KSR1: variants seen among roughly 807,000 people sequenced by gnomAD.
KSR1 encodes the protein kinase suppressor of ras.
KSR1 carries 35 observed loss-of-function variants against 92.9 expected under a neutral mutation model. The observed-to-expected ratio is 0.38, with a 90% CI of 0.29 to 0.50. The LOEUF (loss-of-function observed/expected upper bound fraction) is 0.50. Among genes scored for constraint, KSR1 ranks in the 20% least tolerant of loss-of-function variants. The pLI, the probability that KSR1 is intolerant of heterozygous loss-of-function variation, is 0.94. For synonymous variants in KSR1, 467 were observed against 472.6 expected (o/e 0.99, Z 0.15); for missense variants, 972 against 1,158.5 (o/e 0.84, Z 2.34).
intron 1 of KSR1, among the ~76,000 whole-genome samples, chr17:27,511,530 C>G (rs1208572951): frequency 6.6e-6 from 1 of 152,162 alleles, no homozygotes; most frequent in African/African-American, 2.4e-5. Flanking sequence ...GCAGTTAGAC[C>G]CCACTCAGGA....
intron 20 of KSR1, chr17:27,622,212 T>A: frequency 1.4e-5 from 7 of 516,730 alleles, no homozygotes; most frequent in Non-Finnish European, 7.0e-6. Context: ...TCTAACTACC[T>A]TCCTGGACAT....
intron 1 of KSR1, among the ~76,000 whole-genome samples, chr17:27,495,955 T>A (rs1048925423): frequency 6.6e-6 from 1 of 152,244 alleles, no homozygotes; most frequent in African/African-American, 2.4e-5. Flanking sequence ...GAGATGGTAC[T>A]GCGCATAAGC....
chr17:27,604,067 C>A (rs1300453524), intron 12 of KSR1, among the ~76,000 whole-genome samples, 179 bp downstream of exon 12: 2 of 152,174 alleles, frequency 1.3e-5, no homozygotes, highest in African/African-American at 4.8e-5. Flanking sequence ...TGCCTCCTAT[C>A]AGTGCGGTCA....
chr17:27,548,459 T>A (rs917474654), intron 1 of KSR1, among the ~76,000 whole-genome samples: 1 of 152,232 alleles, frequency 6.6e-6, no homozygotes, highest in Admixed American at 6.5e-5. Flanking sequence ...CAAGAGTCCT[T>A]GCTCTTTAGA....
At chr17:27,512,508 A>C (rs2151003906) in intron 1 of KSR1, among the ~76,000 whole-genome samples, 1 of 152,342 alleles carries the variant, frequency 6.6e-6, no homozygotes, top group African/African-American at 2.4e-5. Context: ...GGATTACCTG[A>C]GGTCACAGGA....
intron 2 of KSR1, among the ~76,000 whole-genome samples, chr17:27,571,219 A>G (rs772425162): frequency 2.0e-4 from 30 of 152,208 alleles, no homozygotes; most frequent in Non-Finnish European, 3.7e-4. Context: ...AAGCAAAGCC[A>G]ACATCCCCAG....
intron 1 of KSR1, among the ~76,000 whole-genome samples, chr17:27,531,848 G>T (rs1016235321): frequency 6.6e-5 from 10 of 152,170 alleles, no homozygotes; most frequent in Non-Finnish European, 1.3e-4. Context: ...CTCCCCAGAT[G>T]AAATGAGTTA....
intron 7 of KSR1, among the ~76,000 whole-genome samples, chr17:27,591,774 C>A (rs1012474655): frequency 2.0e-5 from 3 of 152,178 alleles, no homozygotes; most frequent in African/African-American, 7.2e-5. Context: ...CCTCTGAGCC[C>A]AGGGCTGTCC....
chr17:27,464,647 A>G (rs2019599667), intron 1 of KSR1, among the ~76,000 whole-genome samples: 1 of 151,522 alleles, frequency 6.6e-6, no homozygotes, highest in Non-Finnish European at 1.5e-5. Flanking sequence ...TTGAGCCTGC[A>G]CTGAGCTGTG....
intron 1 of KSR1, among the ~76,000 whole-genome samples, chr17:27,528,688 C>T (rs1567795816): frequency 6.6e-6 from 1 of 152,072 alleles, no homozygotes; most frequent in Admixed American, 6.5e-5. Flanking sequence ...CTCTTGAGCC[C>T]AGGAGCTTGA....
intron 1 of KSR1, 63 bp downstream of exon 1, chr17:27,456,937 C>T: frequency 1.4e-6 from 1 of 740,602 alleles, no homozygotes; most frequent in Non-Finnish European, 2.4e-6. Context: ...CTCCGGGCCC[C>T]AGTACTCCTG....
At chr17:27,465,095 G>C (rs983458210) in intron 1 of KSR1, 1 of 152,244 alleles carries the variant, frequency 6.6e-6, no homozygotes, top group Non-Finnish European at 1.5e-5. Flanking sequence ...TAGAGATGTA[G>C]AGACGTGCTC....
At chr17:27,606,159 G>T (rs193153613) in intron 14 of KSR1, among the ~76,000 whole-genome samples, 310 of 152,086 alleles carry the variant, frequency 2.0e-3, no homozygotes, top group Non-Finnish European at 3.4e-3. Context: ...TGTGCCTGTG[G>T]TCTCAGCTAC....
At chr17:27,526,056 C>T (rs60471855) in intron 1 of KSR1, among the ~76,000 whole-genome samples, 4 of 28,234 alleles carry the variant, frequency 1.4e-4, no homozygotes, top group African/African-American at 5.2e-4. Flanking sequence ...CTCTCTCTCT[C>T]TCTCTCTTTC....
intron 1 of KSR1, among the ~76,000 whole-genome samples, chr17:27,461,686 G>A (rs1392041206): frequency 1.3e-5 from 2 of 152,246 alleles, no homozygotes; most frequent in African/African-American, 2.4e-5. Flanking sequence ...CGCAGTGGCT[G>A]TGAGCCTGGG....
At chr17:27,517,441 C>A (rs2069845255) in intron 1 of KSR1, among the ~76,000 whole-genome samples, 1 of 152,096 alleles carries the variant, frequency 6.6e-6, no homozygotes, top group African/African-American at 2.4e-5. Flanking sequence ...CAAGTGCACA[C>A]CACCATGCCT....
chr17:27,554,489 A>G (rs2071518898), intron 2 of KSR1, among the ~76,000 whole-genome samples: 1 of 152,174 alleles, frequency 6.6e-6, no homozygotes, highest in Non-Finnish European at 1.5e-5. Flanking sequence ...TTAGATTCTC[A>G]CAGGAGCACA....
intron 12 of KSR1, among the ~76,000 whole-genome samples, 181 bp from the exon 13 acceptor site, chr17:27,604,499 C>A (rs2073681213): frequency 6.6e-6 from 1 of 152,212 alleles, no homozygotes; most frequent in Non-Finnish European, 1.5e-5. Context: ...TGAGGCTGCA[C>A]AAGGGGCAGG....
At chr17:27,509,682 A>AC (rs2069528375) in intron 1 of KSR1, among the ~76,000 whole-genome samples, 1 of 152,138 alleles carries the variant, frequency 6.6e-6, no homozygotes, top group Non-Finnish European at 1.5e-5. Flanking sequence ...AACAACAACA[A>AC]AAAACAAAAT....
Sources: allele counts gnomAD v4.1 joint callset (sites outside exome capture counted in the v4.1 genomes callset), GRCh38; gene constraint gnomAD v4.1.1; transcripts MANE v1.5; gene names NCBI Gene and HGNC (gene_info 2026-07-23, HGNC 2026-07-21).